TBC1D2: variants seen among roughly 807,000 people sequenced by gnomAD.
The protein encoded by TBC1D2 is TBC1 domain family member 2A.
TBC1D2 carries 58 observed loss-of-function variants against 91.1 expected under a neutral mutation model. The observed-to-expected ratio is 0.64, with a 90% CI of 0.52 to 0.79. The LOEUF (loss-of-function observed/expected upper bound fraction) is 0.79, where lower values mean the gene tolerates loss of function less well. Ranked by LOEUF, TBC1D2 falls within the 30% of genes least tolerant of loss-of-function variation. TBC1D2 has a pLI of 0.00. For missense variants in TBC1D2, 1,080 were observed against 1,208.3 expected, an observed-to-expected ratio of 0.89 and a Z score of 1.57; for synonymous variants, 482 against 511.5, an observed-to-expected ratio of 0.94 and a Z score of 0.78.
Position 98,220,954 on chromosome 9 carries a change from A to G in TBC1D2, c.1253T>C (p.Ile418Thr). 6.2e-7 allele frequency: 1 copy of G among 1,614,188 alleles called. No individual in the cohort carries two copies. Among genetic ancestry groups the G allele is most frequent in the Non-Finnish European group, 8.5e-7 (1 of 1,180,026 alleles). ...MDKNHAKQQV[I>T]CKLSEKVTQD... is the part of the protein sequence containing the mutation. ...GGTGACCTTCTCAGAGAGCTTGCAGATGACCTGCTGCTTGGCGTGGTTCTT... is the reference window on the plus strand; with the variant it reads ...GGTGACCTTCTCAGAGAGCTTGCAGGTGACCTGCTGCTTGGCGTGGTTCTT... The change falls in exon 6 of 13, where the codon ATC becomes ACC. Residue 418 changes from isoleucine (I) to threonine (T), a missense_variant. Transcript: ENST00000465784.
In TBC1D2 at chr9:98,210,795, C is replaced by A; in HGVS notation, c.1534G>T (p.Ala512Ser). ...RNCQVESKYL[A>S]GLRRLQEALG... ...GCCTCCTGCAGCCTTCTCAGACCGG[C>A]CAGGTACTTGCTTTCCACCTGGCAG... Residue 512 changes from alanine to serine, a missense_variant, in exon 8 of 13, where the codon GCC becomes TCC. By Grantham distance (99) the Ala-to-Ser change is moderately conservative. Coordinates refer to ENST00000465784, the MANE Select transcript of TBC1D2 (RefSeq NM_001267571.2). The A allele has an allele frequency of 6.4e-7, 1 of 1,554,238 alleles. No individual in the cohort carries two copies. The highest frequency in any genetic ancestry group is 8.7e-7 in the Non-Finnish European group (1 of 1,148,450).
intron 8 of TBC1D2, among the ~76,000 whole-genome samples, chr9:98,209,506 A>G (rs1828755797): frequency 1.3e-5 from 2 of 152,208 alleles, no homozygotes; most frequent in Admixed American, 6.5e-5. Context: ...TGCACTGTGC[A>G]TACAGAACCC....
chr9:98,202,169 C>T (rs1266085232), intron 10 of TBC1D2, among the ~76,000 whole-genome samples: 2 of 152,180 alleles, frequency 1.3e-5, no homozygotes, highest in South Asian at 2.1e-4. Flanking sequence ...TGTGTGGGAA[C>T]GCATAATGTC....
In TBC1D2 at chr9:98,238,719, C is replaced by T. The variant is rs559779474; in HGVS notation, c.648-5170G>A. Among the ~76,000 whole-genome samples the T allele has an allele frequency of 2.2e-4, 29 of 134,296 alleles. 2 individuals are homozygous for T. Among genetic ancestry groups the T allele is most frequent in the Admixed American group, 7.5e-4 (11 of 14,720 alleles). The allele number at this position is 134,296 out of a possible 152,430, so 88.1% of individuals were successfully genotyped here. On this transcript the variant is annotated intron_variant, in intron 3 of 12. Coordinates refer to ENST00000465784, the MANE Select transcript of TBC1D2 (RefSeq NM_001267571.2). ...TCCCTTTATCAAGCTGGGGAAGTTTCGTTCTACTTGTTTTTTTTGTTTTTT... is the reference window on the plus strand; with the variant it reads ...TCCCTTTATCAAGCTGGGGAAGTTTTGTTCTACTTGTTTTTTTTGTTTTTT...
intron 5 of TBC1D2, among the ~76,000 whole-genome samples, chr9:98,227,325 C>A (rs1450339954): frequency 1.3e-5 from 2 of 152,204 alleles, no homozygotes; most frequent in Admixed American, 1.3e-4. Context: ...ATTGTTCTTT[C>A]CCAGCACCTG....
intron 6 of TBC1D2, among the ~76,000 whole-genome samples, chr9:98,213,772 T>A (rs1291675018): frequency 1.3e-5 from 2 of 152,266 alleles, no homozygotes; most frequent in Non-Finnish European, 2.9e-5. Flanking sequence ...TGGGTGAATT[T>A]ACCAGAACTT....
At chr9:98,250,244 T>G (rs1229092058) in intron 2 of TBC1D2, among the ~76,000 whole-genome samples, 2 of 152,028 alleles carry the variant, frequency 1.3e-5, no homozygotes, top group Non-Finnish European at 2.9e-5. Context: ...AGGTGGGGAC[T>G]GGGGGAGCAG....
At chr9:98,210,915 A>G in intron 7 of TBC1D2, 72 bp from the exon 8 acceptor site, 1 of 649,846 alleles carries the variant, frequency 1.5e-6, no homozygotes, top group Non-Finnish European at 2.2e-6. Flanking sequence ...AGGCCTGAAC[A>G]GCTTTAGGCA....
rs751295205 is a variant in TBC1D2, at chr9:98,221,135, G to T, written c.1072C>A (p.Arg358=). Residue 358 remains arginine (R), a synonymous_variant, in exon 6 of 13, where the codon CGG becomes AGG. Coordinates refer to ENST00000465784, the MANE Select transcript of TBC1D2 (RefSeq NM_001267571.2). ...AYLAAAEDKD[R]LELVRHKVRQ... ...ACTTTGTGCCGCACCAGCTCCAGCC[G>T]GTCCTTGTCCTCAGCCGCCGCCAGG... 6.3e-7 allele frequency: 1 copy of T among 1,587,638 alleles called. No individual in the cohort carries two copies. The highest frequency in any genetic ancestry group is 8.6e-7 in the Non-Finnish European group (1 of 1,167,440).
At chr9:98,219,973 G>T (rs1829055001) in intron 6 of TBC1D2, among the ~76,000 whole-genome samples, 1 of 152,190 alleles carries the variant, frequency 6.6e-6, no homozygotes, top group Admixed American at 6.5e-5. Flanking sequence ...TAGAGAGGAG[G>T]CTGCGGGTCA....
In TBC1D2 at chr9:98,228,604, G is replaced by A. The variant is rs1298781996; in HGVS notation, c.978+348C>T. On this transcript the variant is annotated intron_variant, in intron 5 of 12. Coordinates refer to ENST00000465784, the MANE Select transcript of TBC1D2 (RefSeq NM_001267571.2). The surrounding 1 kb of genome is among the most constrained non-coding windows in gnomAD (Gnocchi z 4.0). ...GGTCAAAGTTCCCCCCAGTTCTATC[G>A]ACAGCCCCTCCCATGACCCTGCATC... Among the ~76,000 whole-genome samples, 4 of 152,006 alleles carry A rather than the reference G, an allele frequency of 2.6e-5. No homozygotes were observed. The highest frequency in any genetic ancestry group is 4.4e-5 in the Non-Finnish European group (3 of 68,014).
At chr9:98,221,909 T>G (rs10985500) in intron 5 of TBC1D2, among the ~76,000 whole-genome samples, 19,892 of 152,092 alleles carry the variant, frequency 0.13, 1,431 homozygotes, top group East Asian at 0.2. Flanking sequence ...TTGTATTTTT[T>G]TGTAGAGAAG....
intron 3 of TBC1D2, among the ~76,000 whole-genome samples, chr9:98,237,230 G>C (rs1014259061): frequency 6.6e-6 from 1 of 151,782 alleles, no homozygotes; most frequent in East Asian, 2.0e-4. Context: ...CCAGCTTCTC[G>C]GGAGGCTGAG....
chr9:98,218,524 G>A (rs901188884), intron 6 of TBC1D2, among the ~76,000 whole-genome samples: 2 of 151,902 alleles, frequency 1.3e-5, no homozygotes, highest in Admixed American at 6.6e-5. Flanking sequence ...CCGAGACCGC[G>A]CCACTGCACT....
intron 5 of TBC1D2, among the ~76,000 whole-genome samples, chr9:98,226,251 T>C (rs1829231134): frequency 6.6e-6 from 1 of 152,238 alleles, no homozygotes; most frequent in Non-Finnish European, 1.5e-5. Flanking sequence ...CCCTGATCAC[T>C]GCTATGGCCC....
intron 3 of TBC1D2, among the ~76,000 whole-genome samples, chr9:98,240,933 C>A (rs939328205): frequency 6.6e-6 from 1 of 152,120 alleles, no homozygotes; most frequent in African/African-American, 2.4e-5. Flanking sequence ...GTCTGCAAGG[C>A]CTGGCCAGCA....
At position 98,229,052 on chromosome 9, in the gene TBC1D2, A is replaced by G; in HGVS notation, c.878T>C (p.Phe293Ser). 6.2e-7 allele frequency: 1 copy of G among 1,614,170 alleles called. No individual in the cohort carries two copies. Among genetic ancestry groups the G allele is most frequent in the Non-Finnish European group, 8.5e-7 (1 of 1,180,020 alleles). Residue 293 changes from phenylalanine to serine, a missense_variant, in exon 5 of 13, where the codon TTC becomes TCC. Transcript: ENST00000465784. Reference sequence around the variant, plus strand: ...GTTCCGTGTGATTCCTTCAGAAAAGAATGGGAAGGTGTTGTTCTGGCGCTT... The same window carrying G: ...GTTCCGTGTGATTCCTTCAGAAAAGGATGGGAAGGTGTTGTTCTGGCGCTT... ...KAKRQNNTFP[F>S]FSEGITRNRT...
rs746678488 is a variant in TBC1D2 at position 98,255,408 on chromosome 9, G to C, written c.134C>G (p.Pro45Arg). 1.4e-5 allele frequency: 23 copies of C among 1,613,312 alleles called. No individual in the cohort carries two copies. The highest frequency in any genetic ancestry group is 2.0e-5 in the Non-Finnish European group (23 of 1,179,432). ...ACTTAAATACCCACAGAGTTTCTTG[G>C]GGACCGCCTCCAGGGACCGGGCGCA... ...GDCARSLEAV[P>R]KKLCGYLSKF... The change falls in exon 1 of 13, where the codon CCC becomes CGC. Residue 45 changes from proline to arginine, a missense_variant. Coordinates refer to ENST00000465784, the MANE Select transcript of TBC1D2 (RefSeq NM_001267571.2).
In TBC1D2 at chr9:98,199,647, G is replaced by A. The variant is rs547469835; in HGVS notation, c.2580-59C>T. ...CACCCCACCTGGCCGGCGTTTACCC[G>A]GCTCTCCCAGACAGACATCCCCGCA... is the stretch of plus-strand genomic sequence containing the variant. On this transcript the variant is annotated intron_variant, in intron 12 of 12. Transcript: ENST00000465784. 39 of 1,576,454 alleles carry A rather than the reference G, an allele frequency of 2.5e-5. No individual in the cohort carries two copies. The African/African-American group carries it at 3.8e-4, about 15-fold the overall frequency.
Sources: gnomAD v4.1 joint callset for allele counts (sites outside exome capture counted in the v4.1 genomes callset) on GRCh38, gnomAD v4.1.1 for gene constraint, Gnocchi (gnomAD v3.1) non-coding constraint, MANE v1.5 for transcripts, NCBI Gene and HGNC (gene_info 2026-07-23, HGNC 2026-07-21) for gene names.